Variants in MROH2B observed in about 807,000 individuals in gnomAD.
The protein encoded by MROH2B is maestro heat-like repeat-containing protein family member 2B.
In MROH2B, 177 loss-of-function variants were observed where a neutral mutation model predicts 208.6. That is an observed-to-expected ratio of 0.85 (90% CI 0.75 to 0.96). MROH2B has a LOEUF of 0.96. Among genes scored for constraint, MROH2B ranks in the 40% least tolerant of loss-of-function variants. The probability of loss-of-function intolerance (pLI) is 0.00; values close to 1 mark genes in which losing one functional copy is unlikely to be tolerated. For missense variants in MROH2B, 2,002 were observed against 1,878.7 expected (o/e 1.07, Z -1.21); for synonymous variants, 728 against 659.0 (o/e 1.10, Z -1.60).
intron 15 of MROH2B, among the ~76,000 whole-genome samples, chr5:41,048,885 A>G (rs528811663): frequency 1.3e-5 from 2 of 152,372 alleles, no homozygotes; most frequent in South Asian, 2.1e-4. Flanking sequence ...CTTTAAAATT[A>G]TAAGTAAAGT....
At chr5:41,016,498 GTTTTTTTTTTT>G (rs10689623) in intron 28 of MROH2B, among the ~76,000 whole-genome samples, 33 of 80,796 alleles carry the variant, frequency 4.1e-4, no homozygotes, top group African/African-American at 1.6e-3. Context: ...CTACTGTAAT[GTTTTTTTTTTT>G]TTTTTTTTTT....
intron 22 of MROH2B, 94 bp from the exon 23 acceptor site, chr5:41,033,254 C>A (rs1232629087): frequency 6.6e-7 from 1 of 1,506,326 alleles, no homozygotes; most frequent in Non-Finnish European, 9.0e-7. Context: ...TGTTCCCAGA[C>A]AGGAGTGAGA....
rs528504910 is a variant in MROH2B at position 41,004,451 on chromosome 5, A to C, written c.4089T>G (p.Cys1363Trp). The C allele has an allele frequency of 6.2e-7, 1 of 1,613,978 alleles. No individual in the cohort carries two copies. The highest frequency in any genetic ancestry group is 1.1e-5 in the South Asian group (1 of 91,082). Residue 1363 changes from cysteine to tryptophan, a missense_variant, in exon 37 of 42, where the codon TGT (cysteine) becomes TGG (tryptophan). Coordinates refer to ENST00000399564, the MANE Select transcript of MROH2B (RefSeq NM_173489.5). ...TTTTTTTTAGAGCCTTCAAGCTTTC[A>C]CAGACGACTTCAGTGCGAGCTAGGT... ...LYHLARTEVV[C>W]ESLKALKKIL...
chr5:41,046,193 A>G (rs1456020242), intron 17 of MROH2B, among the ~76,000 whole-genome samples: 1 of 151,806 alleles, frequency 6.6e-6, no homozygotes, highest in Admixed American at 6.6e-5. Flanking sequence ...GATTTGGAAA[A>G]ACTCCATTTG....
At chr5:41,018,053 C>T in intron 27 of MROH2B, 83 bp from the exon 28 acceptor site, 1 of 1,471,494 alleles carries the variant, frequency 6.8e-7, no homozygotes, top group Non-Finnish European at 9.1e-7. Flanking sequence ...TCTCAAGTCT[C>T]TTATTTTCTC....
chr5:41,001,063 G>A (rs1334073328), intron 37 of MROH2B, among the ~76,000 whole-genome samples: 1 of 152,170 alleles, frequency 6.6e-6, no homozygotes, highest in Non-Finnish European at 1.5e-5. Context: ...GGGTTTATGT[G>A]ATGCCAGAGA....
At position 41,047,728 on chromosome 5, in the gene MROH2B, A is replaced by G; in HGVS notation, c.1721T>C (p.Leu574Pro). The G allele has an allele frequency of 6.3e-7, 1 of 1,595,698 alleles. No individual in the cohort carries two copies. Among genetic ancestry groups the G allele is most frequent in the Non-Finnish European group, 8.5e-7 (1 of 1,170,250 alleles). The change falls in exon 17 of 42, where the codon CTG (leucine) becomes CCG (proline). Residue 574 changes from leucine to proline, a missense_variant. Transcript: ENST00000399564. Reference sequence around the variant, plus strand: ...TCTAGAAGCCAGCCTTACCTGAAGCAGCATGGTTTCCCATAGAACGGTACT... The same window carrying G: ...TCTAGAAGCCAGCCTTACCTGAAGCGGCATGGTTTCCCATAGAACGGTACT... ...NISTVLWETM[L>P]LQLLKESLWK...
intron 6 of MROH2B, among the ~76,000 whole-genome samples, chr5:41,061,064 G>A (rs1229273510): frequency 1.3e-5 from 2 of 152,148 alleles, no homozygotes; most frequent in African/African-American, 2.4e-5. Context: ...TCTTTACAAG[G>A]ACAAGGCACT....
intron 38 of MROH2B, 34 bp downstream of exon 38, chr5:41,000,644 G>C (rs763026956): frequency 6.3e-7 from 1 of 1,583,790 alleles, no homozygotes; most frequent in Admixed American, 1.8e-5. Flanking sequence ...CATGGGGAGA[G>C]CAGGAGGTGC....
At chr5:41,002,808 C>G (rs561216119) in intron 37 of MROH2B, among the ~76,000 whole-genome samples, 205 of 152,190 alleles carry the variant, frequency 1.3e-3, no homozygotes, top group African/African-American at 4.8e-3. Flanking sequence ...AGGCTCAGAT[C>G]TAAGAGAATT....
Position 41,012,661 on chromosome 5 carries a change from G to A in MROH2B, c.3057C>T (p.Leu1019=). 1 of 1,613,942 alleles carries A rather than the reference G, an allele frequency of 6.2e-7. No homozygotes were observed. The highest frequency in any genetic ancestry group is 8.5e-7 in the Non-Finnish European group (1 of 1,179,834). The change falls in exon 30 of 42, where the codon CTC becomes CTT. Residue 1019 remains leucine (L), a synonymous_variant. Transcript: ENST00000399564. ...LEEMLDGLES[L]NPTCTKACGI... The stretch of plus-strand genomic sequence containing the variant: ...CACAGGCCTTTGTACAAGTGGGGTT[G>A]AGGCTCTCCAGACCGTCCAGCATTT...
At chr5:41,032,303 T>C (rs912639202) in intron 24 of MROH2B, among the ~76,000 whole-genome samples, 2 of 152,128 alleles carry the variant, frequency 1.3e-5, no homozygotes, top group Non-Finnish European at 2.9e-5. Context: ...TTTTAACTTC[T>C]ATTTCTTTTA....
At position 41,051,006 on chromosome 5, in the gene MROH2B, G is replaced by C. The variant is rs1418728899; in HGVS notation, c.1315C>G (p.Leu439Val). The C allele has an allele frequency of 1.3e-6, 2 of 1,569,838 alleles. No individual in the cohort carries two copies. The highest frequency in any genetic ancestry group is 2.4e-5 in the East Asian group (1 of 41,424). Residue 439 changes from leucine to valine, a missense_variant, in exon 13 of 42, where the codon CTG becomes GTG. Transcript: ENST00000399564. ...GGCATTCCAATGACCAGTGGGTCCA[G>C]GGTTTTTAAGACCTCAAGGCTTGTT... ...RETSLEVLKTLDPLVIGMPQV... is the reference protein window; with the variant it reads ...RETSLEVLKTVDPLVIGMPQV...
At position 41,049,312 on chromosome 5, in the gene MROH2B, T is replaced by G. The variant is rs1371443780; in HGVS notation, c.1469A>C (p.Glu490Ala). The change falls in exon 14 of 42, where the codon GAG becomes GCG. Residue 490 changes from glutamate to alanine, a missense_variant. Coordinates refer to ENST00000399564, the MANE Select transcript of MROH2B (RefSeq NM_173489.5). Reference sequence around the variant, plus strand: ...TGTAGAGACGACAAGTGCTGTCGACTCCTTGGCACTGTGCTGCTTCTTCTC... The same window carrying G: ...TGTAGAGACGACAAGTGCTGTCGACGCCTTGGCACTGTGCTGCTTCTTCTC... Reference protein sequence around the residue: ...AEEKKQHSAKESTALVVSTGA... With the variant: ...AEEKKQHSAKASTALVVSTGA... 6.2e-7 allele frequency: 1 copy of G among 1,613,702 alleles called. No homozygotes were observed. The highest frequency in any genetic ancestry group is 1.7e-5 in the Admixed American group (1 of 59,952).
rs1359357890 is a variant in MROH2B at position 41,051,079 on chromosome 5, C to G, written c.1242G>C (p.Val414=). ...ATLNRNLEKP[V]KTNFHENEKE... is the part of the protein sequence containing the mutation. The stretch of plus-strand genomic sequence containing the variant: ...TTTCATTCTCATGAAAGTTAGTTTT[C>G]ACTGGTTTCTCCTTTAAGAAAGATC... The change falls in exon 13 of 42, where the codon GTG becomes GTC. Residue 414 remains valine, a synonymous_variant. Coordinates refer to ENST00000399564, the MANE Select transcript of MROH2B (RefSeq NM_173489.5). The G allele has an allele frequency of 1.3e-6, 2 of 1,548,824 alleles. No individual in the cohort carries two copies. Among genetic ancestry groups the G allele is most frequent in the Non-Finnish European group, 1.7e-6 (2 of 1,156,126 alleles).
At chr5:41,061,532 A>G in intron 6 of MROH2B, 38 bp downstream of exon 6, 1 of 1,550,674 alleles carries the variant, frequency 6.4e-7, no homozygotes. Context: ...ACCAGCATAT[A>G]GGGACATCCA....
At chr5:41,057,029 C>G in intron 9 of MROH2B, 80 bp downstream of exon 9, 1 of 1,361,340 alleles carries the variant, frequency 7.3e-7, no homozygotes, top group South Asian at 1.2e-5. Flanking sequence ...GTTAATGTGA[C>G]AGTTTGCCCT....
At chr5:41,050,373 T>C (rs1321000960) in intron 13 of MROH2B, among the ~76,000 whole-genome samples, 1 of 152,208 alleles carries the variant, frequency 6.6e-6, no homozygotes, top group Non-Finnish European at 1.5e-5. Context: ...ACTTAGTTGA[T>C]TGTAGACTTT....
intron 24 of MROH2B, among the ~76,000 whole-genome samples, chr5:41,032,311 T>A (rs1171090213): frequency 6.6e-6 from 1 of 152,134 alleles, no homozygotes; most frequent in Non-Finnish European, 1.5e-5. Flanking sequence ...TCTATTTCTT[T>A]TACTGCAGGG....
Sources: gnomAD v4.1 joint callset for allele counts (sites outside exome capture counted in the v4.1 genomes callset) on GRCh38, gnomAD v4.1.1 for gene constraint, MANE v1.5 for transcripts, NCBI Gene and HGNC (gene_info 2026-07-23, HGNC 2026-07-21) for gene names.